The following DGKZ variants were observed in gnomAD, a reference collection of about 807,000 sequenced individuals.
DGKZ encodes the protein diacylglycerol kinase zeta.
In DGKZ, 45 loss-of-function variants were observed where a neutral mutation model predicts 142.5. The ratio of observed to expected loss-of-function variants is 0.32; its 90% confidence interval spans 0.25 to 0.40. The LOEUF (loss-of-function observed/expected upper bound fraction) is 0.40, where lower values mean the gene tolerates loss of function less well. Ranked by LOEUF, DGKZ falls within the 10% of genes least tolerant of loss-of-function variation. The pLI is 1.00. For synonymous variants in DGKZ, 442 were observed against 527.0 expected (o/e 0.84, Z 2.21); for missense variants, 755 against 1,306.5 (o/e 0.58, Z 6.51).
At chr11:46,379,976 A>C in exon 31 of DGKZ, 1 of 1,579,688 alleles carries the variant, frequency 6.3e-7, no homozygotes, top group South Asian at 1.1e-5. Context: ...CAGGAGGGAC[A>C]ATGCGGCCAG....
chr11:46,371,952 C>G (rs905319661), intron 9 of DGKZ, 123 bp from the exon 10 acceptor site: 1 of 1,244,698 alleles, frequency 8.0e-7, no homozygotes, highest in African/African-American at 1.5e-5. Flanking sequence ...CTGGTAAGAT[C>G]TGGCCCAGAG....
intron 5 of DGKZ, 67 bp downstream of exon 5, chr11:46,369,617 C>T: frequency 1.2e-5 from 19 of 1,590,824 alleles, no homozygotes; most frequent in Non-Finnish European, 1.6e-5. Context: ...TGCGCAGTGC[C>T]TCTGGAGTGC....
At position 46,367,215 on chromosome 11, in the gene DGKZ, C is replaced by A; in HGVS notation, c.162-76C>A. ...CCTGTTGCCGAGGTCACGGAAAGGG[C>A]AGAGGCCCCAGGAGGTGGGAGGAAG... On this transcript the variant is annotated intron_variant, in intron 1 of 30. Coordinates refer to ENST00000527911, the Ensembl canonical transcript of DGKZ. This position sits in a 1 kb window ranked among gnomAD's most constrained non-coding sequence, Gnocchi z 4.1. 1 of 1,401,772 alleles carries A rather than the reference C, an allele frequency of 7.1e-7. No individual in the cohort carries two copies. The highest frequency in any genetic ancestry group is 9.9e-7 in the Non-Finnish European group (1 of 1,011,938). 86.8% of individuals were successfully genotyped at this position (1,401,772 alleles called of 1,614,324 possible). A position where few individuals can be genotyped will look rare whatever the true frequency, so the allele number is the denominator to read the frequency against.
chr11:46,369,248 TC>T (rs952283559), intron 4 of DGKZ: 1 of 576,396 alleles, frequency 1.7e-6, no homozygotes, highest in Non-Finnish European at 3.1e-6. Context: ...GACCCAAAGC[TC>T]CCAACCTCCC....
At chr11:46,345,242 G>T (rs1590385367), upstream of DGKZ, 1 of 1,349,666 alleles carries the variant, frequency 7.4e-7, no homozygotes, top group East Asian at 3.1e-5. The surrounding 1 kb of genome is among the most constrained non-coding windows in gnomAD (Gnocchi z 4.1). Context: ...CCTGCCCCTT[G>T]CTTTCTTGTG....
At chr11:46,359,320 C>T (rs1289769042) in intron 1 of DGKZ, among the ~76,000 whole-genome samples, 1 of 151,862 alleles carries the variant, frequency 6.6e-6, no homozygotes, top group Non-Finnish European at 1.5e-5. Context: ...TGGCCCATGC[C>T]TGTAATCCCA....
chr11:46,342,102 G>A (rs1940305854), intron 1 of DGKZ, among the ~76,000 whole-genome samples: 1 of 152,104 alleles, frequency 6.6e-6, no homozygotes, highest in African/African-American at 2.4e-5. Flanking sequence ...CAACCTCTGG[G>A]GCCTCAACAA....
At chr11:46,352,774 C>T (rs1565011609) in intron 1 of DGKZ, among the ~76,000 whole-genome samples, 1 of 152,238 alleles carries the variant, frequency 6.6e-6, no homozygotes, top group African/African-American at 2.4e-5. Flanking sequence ...CACCCCTGAG[C>T]GGTGCCAGGC....
upstream of DGKZ, among the ~76,000 whole-genome samples, chr11:46,342,597 G>C (rs927178077): frequency 2.6e-5 from 4 of 151,934 alleles, no homozygotes; most frequent in Non-Finnish European, 5.9e-5. Flanking sequence ...ACAGCATATA[G>C]AACCCATCTT....
At chr11:46,365,958 T>C in intron 1 of DGKZ, 1 of 985,332 alleles carries the variant, frequency 1.0e-6, no homozygotes, top group Non-Finnish European at 1.2e-6. Flanking sequence ...CCCACCTCCC[T>C]GGGACTCCAG....
chr11:46,377,019 C>T, intron 24 of DGKZ, 54 bp from the exon 25 acceptor site: 2 of 1,524,828 alleles, frequency 1.3e-6, no homozygotes, highest in Non-Finnish European at 1.8e-6. Context: ...CCTTGCTGCC[C>T]CTCGGCCCCC....
chr11:46,371,359 T>C, exon 7 of DGKZ: 2 of 1,613,898 alleles, frequency 1.2e-6, no homozygotes, highest in Non-Finnish European at 1.7e-6. Flanking sequence ...ATTGTGGCCA[T>C]CAGCTGCTCG....
chr11:46,367,966 C>CTGG lies in DGKZ; in HGVS notation c.367-33_367-31dup, dbSNP rs1195102451. 1.2e-6 allele frequency: 2 copies of CTGG among 1,610,904 alleles called. No homozygotes were observed. The highest frequency in any genetic ancestry group is 2.7e-5 in the African/African-American group (2 of 74,812). On this transcript the variant is annotated intron_variant, in intron 3 of 30. Coordinates refer to ENST00000527911, the Ensembl canonical transcript of DGKZ. The surrounding 1 kb of genome is among the most constrained non-coding windows in gnomAD (Gnocchi z 4.1). ...CAGGCAGCCTCCGAGATAGACTTAC[C>CTGG]TGGTGCCTCAGGGGCCCTCTCTTCC...
chr11:46,339,328 G>A (rs1412597570), intron 1 of DGKZ, among the ~76,000 whole-genome samples: 2 of 152,240 alleles, frequency 1.3e-5, no homozygotes, highest in Non-Finnish European at 1.5e-5. Flanking sequence ...ATTCTGTCCT[G>A]AATTAACAAT....
chr11:46,344,548 G>T (rs1003032451), upstream of DGKZ, among the ~76,000 whole-genome samples: 1 of 148,966 alleles, frequency 6.7e-6, no homozygotes, highest in Admixed American at 6.7e-5. Flanking sequence ...CCACCTCCCA[G>T]GTTCAAGCGA....
rs1240797197 is a variant in DGKZ, at chr11:46,374,090, CGAGGCCCCTGGAGCGGGGACATTTGT to C, written c.1327-59_1327-34del. 3.2e-6 allele frequency: 5 copies of C among 1,564,242 alleles called. No individual in the cohort carries two copies. The African/African-American group carries it at 5.4e-5, about 17-fold the overall frequency. On this transcript the variant is annotated intron_variant, in intron 14 of 30. Transcript: ENST00000527911. ...GATGGGCTGAGCTGGCTCGGCCACA[CGAGGCCCCTGGAGCGGGGACATTTGT>C]GAGGCCCAGCCCTCATTTTGGTCCC...
chr11:46,357,266 C>G (rs912717364), intron 1 of DGKZ, among the ~76,000 whole-genome samples: 9 of 152,176 alleles, frequency 5.9e-5, no homozygotes, highest in African/African-American at 2.2e-4. Context: ...CTCCCCTTTC[C>G]TTGCCCACCA....
Position 46,347,846 on chromosome 11 carries a change from C to G in DGKZ, c.161+26C>G, listed in dbSNP as rs1004042788. The stretch of plus-strand genomic sequence containing the variant: ...GTGAGCGGGGCGGCGGCGGGGCAGG[C>G]ACCGAGGCACCGGCAGGTTACCGCT... On this transcript the variant is annotated intron_variant, in intron 1 of 30. Transcript: ENST00000527911. This position sits in a 1 kb window ranked among gnomAD's most constrained non-coding sequence, Gnocchi z 6.4. 7.8e-7 allele frequency: 1 copy of G among 1,276,412 alleles called. No individual in the cohort carries two copies. Among genetic ancestry groups the G allele is most frequent in the South Asian group, 2.4e-5 (1 of 42,002 alleles). 79.1% of individuals were successfully genotyped at this position (1,276,412 alleles called of 1,614,324 possible).
intron 1 of DGKZ, among the ~76,000 whole-genome samples, chr11:46,336,556 T>C (rs183671716): frequency 6.6e-6 from 1 of 152,254 alleles, no homozygotes; most frequent in Admixed American, 6.5e-5. Context: ...AGTGAGACCC[T>C]GTCTCTACAG....
Sources: allele counts gnomAD v4.1 joint callset (sites outside exome capture counted in the v4.1 genomes callset), GRCh38; gene constraint gnomAD v4.1.1; non-coding constraint Gnocchi (gnomAD v3.1); transcripts MANE v1.5; gene names NCBI Gene and HGNC (gene_info 2026-07-23, HGNC 2026-07-21).